The following RAB3C variants were observed in gnomAD, a reference collection of about 807,000 sequenced individuals.
RAB3C encodes the protein ras-related protein Rab-3C.
In RAB3C, 17 loss-of-function variants were observed where a neutral mutation model predicts 26.4. The observed-to-expected ratio is 0.64, with a 90% CI of 0.44 to 0.97. The LOEUF is 0.97. RAB3C is among the 50% of genes least tolerant of loss of function. The probability of loss-of-function intolerance (pLI) is 0.00; values close to 1 mark genes in which losing one functional copy is unlikely to be tolerated. For missense variants in RAB3C, 242 were observed against 281.9 expected (o/e 0.86, Z 1.01); for synonymous variants, 91 against 95.9 (o/e 0.95, Z 0.30).
chr5:58,759,256 G>C (rs1029233935), intron 3 of RAB3C, among the ~76,000 whole-genome samples: 9 of 152,172 alleles, frequency 5.9e-5, no homozygotes, highest in African/African-American at 1.9e-4. Flanking sequence ...ACCCAGATGT[G>C]GTGGGGTTGG....
chr5:58,677,784 C>T (rs972546842), intron 2 of RAB3C, among the ~76,000 whole-genome samples: 1 of 152,070 alleles, frequency 6.6e-6, no homozygotes, highest in Non-Finnish European at 1.5e-5. Context: ...TTGACAAAGC[C>T]TATAGCTGCA....
chr5:58,740,083 A>G (rs1741244704), intron 3 of RAB3C, among the ~76,000 whole-genome samples: 1 of 152,154 alleles, frequency 6.6e-6, no homozygotes, highest in Admixed American at 6.5e-5. Flanking sequence ...GGAGCATCTC[A>G]CACTTGTTAG....
At chr5:58,790,285 G>T (rs576903216) in intron 3 of RAB3C, among the ~76,000 whole-genome samples, 24 of 152,106 alleles carry the variant, frequency 1.6e-4, no homozygotes, top group Non-Finnish European at 2.4e-4. Context: ...ATTAAAATAG[G>T]CATGCCTGAC....
intron 4 of RAB3C, among the ~76,000 whole-genome samples, chr5:58,830,218 T>C (rs1471607167): frequency 1.3e-5 from 2 of 152,188 alleles, no homozygotes; most frequent in Admixed American, 6.5e-5. Flanking sequence ...TAGAAAGAGA[T>C]ACATTTAAGA....
rs111466224 is a variant in RAB3C at position 58,693,719 on chromosome 5, T to C, written c.253-32283T>C. Reference sequence around the variant, plus strand: ...TGAGTACAGTACCTTTTCATATACATATGTCTCTGTAAACCCACTGCCTAA... The same window carrying C: ...TGAGTACAGTACCTTTTCATATACACATGTCTCTGTAAACCCACTGCCTAA... On this transcript the variant is annotated intron_variant, in intron 2 of 4. Coordinates refer to ENST00000282878, the MANE Select transcript of RAB3C (RefSeq NM_138453.4). Among the ~76,000 whole-genome samples, 597 of 152,268 alleles carry C rather than the reference T, an allele frequency of 3.9e-3. 1 individual carries two copies. The highest frequency in any genetic ancestry group is 0.012 in the African/African-American group (500 of 41,542).
intron 4 of RAB3C, among the ~76,000 whole-genome samples, chr5:58,837,867 A>G (rs146237186): frequency 2.6e-5 from 4 of 152,204 alleles, no homozygotes; most frequent in African/African-American, 9.6e-5. Context: ...CCTTGGTTCA[A>G]TCTTTGTTGG....
intron 3 of RAB3C, among the ~76,000 whole-genome samples, chr5:58,808,478 C>A (rs539710931): frequency 6.6e-6 from 1 of 152,080 alleles, no homozygotes. Flanking sequence ...ATTGAAGTAT[C>A]CCCCAACCTT....
Position 58,844,404 on chromosome 5 carries a change from T to A in RAB3C, c.497-6760T>A, listed in dbSNP as rs914970222. Reference sequence around the variant, plus strand: ...CACTAGCCTTTGGTTGAGCTCCTATTCTTGCTTTTCTACAGCTTTGGTCTG... The same window carrying A: ...CACTAGCCTTTGGTTGAGCTCCTATACTTGCTTTTCTACAGCTTTGGTCTG... On this transcript the variant is annotated intron_variant, in intron 4 of 4. Coordinates refer to ENST00000282878, the MANE Select transcript of RAB3C (RefSeq NM_138453.4). Among the ~76,000 whole-genome samples the A allele has an allele frequency of 1.1e-4, 16 of 152,354 alleles. 1 individual carries two copies. The East Asian group carries it at 3.1e-3, about 29-fold the overall frequency.
chr5:58,704,601 T>C (rs954683798), intron 2 of RAB3C, among the ~76,000 whole-genome samples: 1 of 152,182 alleles, frequency 6.6e-6, no homozygotes, highest in African/African-American at 2.4e-5. Context: ...CTGTGCTGAA[T>C]GTATCTGGGG....
intron 3 of RAB3C, among the ~76,000 whole-genome samples, chr5:58,799,566 G>A (rs569170803): frequency 1.1e-4 from 17 of 152,162 alleles, no homozygotes; most frequent in East Asian, 5.8e-4. Context: ...TAAAATGTAC[G>A]CCATTCATTT....
At chr5:58,744,438 T>C (rs1255006863) in intron 3 of RAB3C, among the ~76,000 whole-genome samples, 1 of 152,198 alleles carries the variant, frequency 6.6e-6, no homozygotes, top group East Asian at 1.9e-4. Flanking sequence ...CATGCAGTCA[T>C]CGTCACACGA....
rs183857284 is a variant in RAB3C, at chr5:58,590,026, C to T, written c.24+6794C>T. On this transcript the variant is annotated intron_variant, in intron 1 of 4. Coordinates refer to ENST00000282878, the MANE Select transcript of RAB3C (RefSeq NM_138453.4). ...TTCCTAGACTGTCCAGATCAAAGGC[C>T]AGTCCAGCCAACACATTGATTTTAG... 2.0e-4 allele frequency among the ~76,000 whole-genome samples: 31 copies of T among 152,272 alleles called. No individual in the cohort carries two copies. The East Asian group carries it at 6.0e-3, about 29-fold the overall frequency.
chr5:58,824,125 T>C (rs1743418337), intron 3 of RAB3C, among the ~76,000 whole-genome samples: 1 of 152,054 alleles, frequency 6.6e-6, no homozygotes, highest in South Asian at 2.1e-4. Flanking sequence ...CAGTCTATCA[T>C]TGTTGGACAT....
intron 3 of RAB3C, among the ~76,000 whole-genome samples, chr5:58,808,500 T>C (rs1314658569): frequency 2.0e-5 from 3 of 152,210 alleles, no homozygotes; most frequent in Non-Finnish European, 4.4e-5. Flanking sequence ...TTATTTTAGG[T>C]TGATCTGCTA....
chr5:58,840,468 T>G (rs1743853321), intron 4 of RAB3C, among the ~76,000 whole-genome samples: 1 of 152,220 alleles, frequency 6.6e-6, no homozygotes, highest in African/African-American at 2.4e-5. Context: ...ATTTCACACA[T>G]TTTCTTATCA....
intron 2 of RAB3C, among the ~76,000 whole-genome samples, chr5:58,684,894 T>TA (rs1748413203): frequency 1.3e-5 from 2 of 152,326 alleles, no homozygotes; most frequent in Admixed American, 6.5e-5. Context: ...CCACTTGTTT[T>TA]AGAGGCCCAG....
In RAB3C at chr5:58,751,893, T is replaced by A. The variant is rs141849023; in HGVS notation, c.371+25773T>A. Reference sequence around the variant, plus strand: ...CATTTGAAGCCTCTCAAACACTGCCTTTAAAGCTATACATAAAAAAGCAAG... The same window carrying A: ...CATTTGAAGCCTCTCAAACACTGCCATTAAAGCTATACATAAAAAAGCAAG... On this transcript the variant is annotated intron_variant, in intron 3 of 4. Transcript: ENST00000282878. 2.0e-5 allele frequency among the ~76,000 whole-genome samples: 3 copies of A among 152,314 alleles called. No homozygotes were observed. In the East Asian group the frequency reaches 5.8e-4, roughly 29 times the overall value.
At chr5:58,601,095 G>A (rs957277048) in intron 1 of RAB3C, among the ~76,000 whole-genome samples, 2 of 152,094 alleles carry the variant, frequency 1.3e-5, no homozygotes, top group African/African-American at 4.8e-5. Flanking sequence ...TTCATCTATT[G>A]AGACCATCAT....
intron 2 of RAB3C, among the ~76,000 whole-genome samples, chr5:58,664,405 A>G (rs907140737): frequency 6.6e-6 from 1 of 152,248 alleles, no homozygotes; most frequent in Non-Finnish European, 1.5e-5. Context: ...TTAATATAAT[A>G]TTCTTGAAAT....
Sources: gnomAD v4.1 joint callset for allele counts (sites outside exome capture counted in the v4.1 genomes callset) on GRCh38, gnomAD v4.1.1 for gene constraint, MANE v1.5 for transcripts, NCBI Gene and HGNC (gene_info 2026-07-23, HGNC 2026-07-21) for gene names.